The following EDA variants were observed in gnomAD, a reference collection of about 807,000 sequenced individuals.
EDA encodes the protein ectodysplasin A.
EDA carries 2 observed loss-of-function variants against 23.6 expected under a neutral mutation model. The observed-to-expected ratio is 0.08, with a 90% CI of 0.03 to 0.27. EDA has a LOEUF of 0.27. Ranked by LOEUF, EDA falls within the 10% of genes least tolerant of loss-of-function variation. The pLI, the probability that EDA is intolerant of heterozygous loss-of-function variation, is 1.00. For missense variants in EDA, 229 were observed against 324.2 expected (o/e 0.71, Z 2.26); for synonymous variants, 131 against 132.0 (o/e 0.99, Z 0.05).
rs778824257 is a variant in EDA at position 69,838,398 on chromosome X, C to T, written c.397-118629C>T. 7.1e-5 allele frequency among the ~76,000 whole-genome samples: 8 copies of T among 112,646 alleles called. No individual in the cohort carries two copies. In the East Asian group the frequency reaches 2.0e-3, roughly 28 times the overall value. On this transcript the variant is annotated intron_variant, in intron 1 of 7. Coordinates refer to ENST00000374552, the MANE Select transcript of EDA (RefSeq NM_001399.5). ...ATCCCAGCACTTTGGGAGGCTGAGG[C>T]GGGTGGATCACGAGGTCAAGAGATC...
chrX:69,653,397 G>C lies in EDA; in HGVS notation c.396+36693G>C, dbSNP rs761415903. Among the ~76,000 whole-genome samples the C allele has an allele frequency of 3.5e-3, 389 of 111,288 alleles. 2 individuals are homozygous for C. Among genetic ancestry groups the C allele is most frequent in the African/African-American group, 0.012 (378 of 30,646 alleles). The stretch of plus-strand genomic sequence containing the variant: ...TGGGCTGAGAAGATGGGGTTTTCTA[G>C]ATATACAATCATGTCATCTGCAAAC... On this transcript the variant is annotated intron_variant, in intron 1 of 7. Transcript: ENST00000374552.
At chrX:69,771,818 C>G (rs2014647561) in intron 1 of EDA, among the ~76,000 whole-genome samples, 1 of 112,255 alleles carries the variant, frequency 8.9e-6, no homozygotes, top group Admixed American at 9.4e-5. Context: ...GATACACAGA[C>G]CTTTATGATT....
chrX:69,695,778 A>T (rs1200511139), intron 1 of EDA, among the ~76,000 whole-genome samples: 1 of 108,751 alleles, frequency 9.2e-6, no homozygotes, highest in Non-Finnish European at 1.9e-5. Flanking sequence ...AAGTGCTGGG[A>T]TTACAGGCAT....
At chrX:69,833,602 C>T (rs920073266) in intron 1 of EDA, among the ~76,000 whole-genome samples, 15 of 110,409 alleles carry the variant, frequency 1.4e-4, no homozygotes, top group African/African-American at 4.3e-4. Flanking sequence ...TGATTGGAGT[C>T]ATTTCAGAAG....
chrX:69,684,014 G>A (rs976272943), intron 1 of EDA, among the ~76,000 whole-genome samples: 18 of 111,862 alleles, frequency 1.6e-4, no homozygotes, highest in Non-Finnish European at 2.8e-4. Context: ...ATATACAGCT[G>A]GAATTCAATG....
chrX:69,670,183 G>GATTTTTTTTTT, intron 1 of EDA: 1 of 241,868 alleles, frequency 4.1e-6, no homozygotes, highest in Non-Finnish European at 6.8e-6. Context: ...TTGGCTGACT[G>GATTTTTTTTTT]TTTTTTTTTT....
intron 1 of EDA, among the ~76,000 whole-genome samples, chrX:69,642,225 A>G (rs1209102211): frequency 9.0e-6 from 1 of 111,328 alleles, no homozygotes; most frequent in Non-Finnish European, 1.9e-5. Flanking sequence ...CCTGGGTTTG[A>G]TTACTGCTTT....
intron 1 of EDA, among the ~76,000 whole-genome samples, chrX:69,851,702 T>G (rs145224003): frequency 9.3e-4 from 104 of 112,111 alleles, no homozygotes; most frequent in African/African-American, 3.2e-3. Context: ...TATTTCTCCC[T>G]TTTATACAAC....
intron 1 of EDA, among the ~76,000 whole-genome samples, chrX:69,738,978 G>C (rs2013361830): frequency 9.0e-6 from 1 of 111,197 alleles, no homozygotes; most frequent in Middle Eastern, 4.7e-3. Flanking sequence ...GTTGGATAGA[G>C]TGTTATATTG....
chrX:69,782,366 TAA>T lies in EDA; in HGVS notation c.396+165687_396+165688del, dbSNP rs751293381. Among the ~76,000 whole-genome samples, 214 of 65,429 alleles carry T rather than the reference TAA, an allele frequency of 3.3e-3. 3 individuals carry two copies. Among genetic ancestry groups the T allele is most frequent in the Admixed American group, 0.017 (83 of 5,004 alleles). The allele number at this position is 65,429 out of a possible 115,157, so 56.8% of individuals were successfully genotyped here. A position where few individuals can be genotyped will look rare whatever the true frequency, so the allele number is the denominator to read the frequency against. On this transcript the variant is annotated intron_variant, in intron 1 of 7. Transcript: ENST00000374552. Reference sequence around the variant, plus strand: ...GTAGACAAATAACATTAAATGCTCTTAAAAAAAAAAAAAAAAAAAAAAAAAAC... The same window carrying T: ...GTAGACAAATAACATTAAATGCTCTTAAAAAAAAAAAAAAAAAAAAAAAAC...
chrX:69,885,666 G>C (rs754302867), intron 1 of EDA, among the ~76,000 whole-genome samples: 1 of 111,852 alleles, frequency 8.9e-6, no homozygotes, highest in South Asian at 3.8e-4. Flanking sequence ...TCAGGTACAA[G>C]TTTGTGAAAC....
chrX:69,760,363 A>G (rs1446322736), intron 1 of EDA, among the ~76,000 whole-genome samples: 1 of 111,333 alleles, frequency 9.0e-6, no homozygotes, highest in Non-Finnish European at 1.9e-5. Context: ...TGATATTATA[A>G]ATGCTTCACT....
intron 1 of EDA, among the ~76,000 whole-genome samples, chrX:69,711,503 C>T (rs1167881222): frequency 1.8e-5 from 2 of 111,563 alleles, no homozygotes; most frequent in Non-Finnish European, 1.9e-5. Context: ...TGATGCTGAC[C>T]TCATAAAATG....
chrX:69,674,102 C>CCTAT (rs201928323), intron 1 of EDA, among the ~76,000 whole-genome samples: 6,016 of 105,534 alleles, frequency 0.057, 150 homozygotes, highest in Non-Finnish European at 0.06. Context: ...GTAGGAAAAG[C>CCTAT]CTATCTATCT....
chrX:69,906,761 A>ACG (rs780092165), intron 1 of EDA, among the ~76,000 whole-genome samples: 47 of 111,748 alleles, frequency 4.2e-4, no homozygotes, highest in Non-Finnish European at 4.5e-4. Flanking sequence ...ACACGCACGC[A>ACG]CACACATACA....
intron 1 of EDA, among the ~76,000 whole-genome samples, chrX:69,913,552 A>G (rs1345778091): frequency 8.9e-6 from 1 of 112,480 alleles, no homozygotes; most frequent in Admixed American, 9.4e-5. Context: ...AGCTGGTTTG[A>G]TCTTCTATCC....
At chrX:70,006,977 C>T (rs181390934) in intron 2 of EDA, among the ~76,000 whole-genome samples, 60 of 109,772 alleles carry the variant, frequency 5.5e-4, no homozygotes, top group Non-Finnish European at 2.5e-4. Context: ...TATAAATGTC[C>T]AGTTATCCCA....
At chrX:69,849,586 T>C (rs1314607477) in intron 1 of EDA, among the ~76,000 whole-genome samples, 7 of 111,890 alleles carry the variant, frequency 6.3e-5, no homozygotes, top group African/African-American at 2.3e-4. Flanking sequence ...CTACAAGGAT[T>C]TCTCTCTTCT....
At chrX:69,875,755 C>T (rs1183295463) in intron 1 of EDA, among the ~76,000 whole-genome samples, 1 of 110,606 alleles carries the variant, frequency 9.0e-6, no homozygotes, top group East Asian at 2.8e-4. Context: ...GGACTAATAT[C>T]CAGAATCTAT....
Sources: gnomAD v4.1 joint callset for allele counts (sites outside exome capture counted in the v4.1 genomes callset) on GRCh38, gnomAD v4.1.1 for gene constraint, MANE v1.5 for transcripts, NCBI Gene and HGNC (gene_info 2026-07-23, HGNC 2026-07-21) for gene names.